TAS1R1: variants seen among roughly 807,000 people sequenced by gnomAD.
TAS1R1 encodes the protein taste 1 receptor member 1.
In TAS1R1, 31 loss-of-function variants were observed where a neutral mutation model predicts 45.8. The ratio of observed to expected loss-of-function variants is 0.68; its 90% CI spans 0.51 to 0.91. TAS1R1 has a LOEUF of 0.91. TAS1R1 is among the 40% of genes least tolerant of loss of function. The probability of loss-of-function intolerance (pLI) is 0.00; values close to 1 mark genes in which losing one functional copy is unlikely to be tolerated. For missense variants in TAS1R1, 1,051 were observed against 1,063.9 expected (o/e 0.99, Z 0.17); for synonymous variants, 437 against 448.4 (o/e 0.97, Z 0.32).
chr1:6,574,751 G>T lies in TAS1R1; in HGVS notation c.619G>T (p.Gly207Trp). The change falls in exon 3 of 6, where the codon GGG (glycine) becomes TGG (tryptophan). Residue 207 changes from glycine (G) to tryptophan (W), a missense_variant. Transcript: ENST00000333172. The surrounding 1 kb of genome is among the most constrained non-coding windows in gnomAD (Gnocchi z 4.3). ...ETMVLLLQKFGWTWISLVGSS... is the reference protein window; with the variant it reads ...ETMVLLLQKFWWTWISLVGSS... ...CATGGTGCTGCTGCTGCAGAAGTTC[G>T]GGTGGACCTGGATCTCTCTGGTTGG... 1 of 1,614,252 alleles carries T rather than the reference G, an allele frequency of 6.2e-7. No homozygotes were observed. The highest frequency in any genetic ancestry group is 8.5e-7 in the Non-Finnish European group (1 of 1,180,050).
intron 1 of TAS1R1, among the ~76,000 whole-genome samples, chr1:6,569,212 C>T (rs1639947049): frequency 2.0e-5 from 3 of 151,688 alleles, no homozygotes; most frequent in South Asian, 4.2e-4. Flanking sequence ...GGAAAATTGG[C>T]GAGGTTAAAA....
rs557415807 is a variant in TAS1R1 at position 6,575,218 on chromosome 1, G to A, written c.1086G>A (p.Gln362=). 1.9e-4 allele frequency: 300 copies of A among 1,613,346 alleles called. 4 individuals carry two copies. The South Asian group carries it at 3.1e-3, about 17-fold the overall frequency. The change falls in exon 3 of 6, where the codon CAG becomes CAA. Residue 362 remains glutamine (Q), a synonymous_variant. Transcript: ENST00000333172. ...CHKGSWCSSN[Q]LCRECQAFMA... is the part of the protein sequence containing the mutation. The stretch of plus-strand genomic sequence containing the variant: ...AGGGCTCCTGGTGCAGCAGCAATCA[G>A]CTCTGCAGAGAATGCCAAGCTTTCA...
chr1:6,567,022 A>G (rs995362298), intron 1 of TAS1R1, among the ~76,000 whole-genome samples: 2 of 152,174 alleles, frequency 1.3e-5, no homozygotes, highest in Non-Finnish European at 2.9e-5. Context: ...GGACTGGCAG[A>G]GAGGAGTAGG....
rs1381355437 is a variant in TAS1R1, at chr1:6,575,196, G to C, written c.1064G>C (p.Gly355Ala). The C allele has an allele frequency of 6.2e-7, 1 of 1,611,012 alleles. No individual in the cohort carries two copies. The highest frequency in any genetic ancestry group is 8.5e-7 in the Non-Finnish European group (1 of 1,178,582). The part of the protein sequence containing the change: ...DKKAPRPCHK[G>A]SWCSSNQLCR... Reference sequence around the variant, plus strand: ...AAGGCCCCTAGGCCTTGCCACAAGGGCTCCTGGTGCAGCAGCAATCAGCTC... The same window carrying C: ...AAGGCCCCTAGGCCTTGCCACAAGGCCTCCTGGTGCAGCAGCAATCAGCTC... The change falls in exon 3 of 6, where the codon GGC (glycine) becomes GCC (alanine). Residue 355 changes from glycine (G) to alanine (A), a missense_variant. Coordinates refer to ENST00000333172, the MANE Select transcript of TAS1R1 (RefSeq NM_138697.4).
At chr1:6,572,179 C>T (rs755082758) in intron 2 of TAS1R1, among the ~76,000 whole-genome samples, 42 of 152,186 alleles carry the variant, frequency 2.8e-4, no homozygotes, top group Non-Finnish European at 4.4e-4. Context: ...TCTGTCCCCA[C>T]CACTCTTGCT....
chr1:6,569,190 T>C (rs1443265417), intron 1 of TAS1R1, among the ~76,000 whole-genome samples: 1 of 150,936 alleles, frequency 6.6e-6, no homozygotes, highest in Admixed American at 6.6e-5. Flanking sequence ...ACCATGATGG[T>C]GGCGAGGATG....
chr1:6,567,030 A>G (rs1025801068), intron 1 of TAS1R1, among the ~76,000 whole-genome samples: 3 of 152,176 alleles, frequency 2.0e-5, no homozygotes, highest in Non-Finnish European at 2.9e-5. Context: ...AGAGAGGAGT[A>G]GGAGGGACTC....
intron 1 of TAS1R1, among the ~76,000 whole-genome samples, chr1:6,568,087 G>A (rs941033413): frequency 1.3e-5 from 2 of 151,988 alleles, no homozygotes; most frequent in African/African-American, 2.4e-5. Flanking sequence ...GGGTTTGAGG[G>A]CCATCTTCAG....
In TAS1R1 at chr1:6,566,317, T is replaced by C. The variant is rs544704271; in HGVS notation, c.192-4592T>C. On this transcript the variant is annotated intron_variant, in intron 1 of 5. Coordinates refer to ENST00000333172, the MANE Select transcript of TAS1R1 (RefSeq NM_138697.4). Reference sequence around the variant, plus strand: ...ATGTAGGGAAATAGTAAAGAAGTCATCTTTTAGGTCAATAGCAGTGTAGTG... The same window carrying C: ...ATGTAGGGAAATAGTAAAGAAGTCACCTTTTAGGTCAATAGCAGTGTAGTG... 5.9e-5 allele frequency among the ~76,000 whole-genome samples: 9 copies of C among 152,114 alleles called. 1 individual carries two copies. The South Asian group carries it at 1.7e-3, about 28-fold the overall frequency.
intron 1 of TAS1R1, among the ~76,000 whole-genome samples, chr1:6,566,629 T>G (rs778453892): frequency 2.0e-5 from 3 of 152,174 alleles, no homozygotes; most frequent in African/African-American, 7.2e-5. Flanking sequence ...GGAGTCTCGC[T>G]CTGTTGCCCA....
rs190128470 is a variant in TAS1R1, at chr1:6,563,529, C to A, written c.192-7380C>A. Among the ~76,000 whole-genome samples, 238 of 152,116 alleles carry A rather than the reference C, an allele frequency of 1.6e-3. 1 individual carries two copies. Among genetic ancestry groups the A allele is most frequent in the Middle Eastern group, 6.8e-3 (2 of 294 alleles). On this transcript the variant is annotated intron_variant, in intron 1 of 5. Coordinates refer to ENST00000333172, the MANE Select transcript of TAS1R1 (RefSeq NM_138697.4). ...TTGTAAGGGGCTTTTTCCTTCATAACGGGGGTGACAGTTTAACTTAGTAAG... is the reference window on the plus strand; with the variant it reads ...TTGTAAGGGGCTTTTTCCTTCATAAAGGGGGTGACAGTTTAACTTAGTAAG...
rs1255607388 is a variant in TAS1R1 at position 6,574,420 on chromosome 1, T to G, written c.499-211T>G. Among the ~76,000 whole-genome samples the G allele has an allele frequency of 6.6e-6, 1 of 152,200 alleles. No individual in the cohort carries two copies. Among genetic ancestry groups the G allele is most frequent in the East Asian group, 1.9e-4 (1 of 5,192 alleles). On this transcript the variant is annotated intron_variant, in intron 2 of 5. Transcript: ENST00000333172. This position sits in a 1 kb window ranked among gnomAD's most constrained non-coding sequence, Gnocchi z 4.3. Reference sequence around the variant, plus strand: ...CAGGTTTTGTCTCCTTTGCTTGGAATGCATCCCCTCACCCCTTGTCCCCAG... The same window carrying G: ...CAGGTTTTGTCTCCTTTGCTTGGAAGGCATCCCCTCACCCCTTGTCCCCAG...
intron 1 of TAS1R1, among the ~76,000 whole-genome samples, chr1:6,557,031 A>G (rs1280010230): frequency 1.4e-5 from 2 of 138,600 alleles, no homozygotes; most frequent in Non-Finnish European, 3.1e-5. Context: ...AAAAAAAAAG[A>G]CGAAGACAGT....
At chr1:6,567,481 A>C in intron 1 of TAS1R1, among the ~76,000 whole-genome samples, 1 of 151,302 alleles carries the variant, frequency 6.6e-6, no homozygotes, top group South Asian at 2.1e-4. Flanking sequence ...AATGGTGTGA[A>C]CCCGGGAGGC....
At chr1:6,556,205 C>T (rs940993065) in intron 1 of TAS1R1, among the ~76,000 whole-genome samples, 5 of 152,092 alleles carry the variant, frequency 3.3e-5, no homozygotes, top group African/African-American at 1.2e-4. Flanking sequence ...TCCACTCCTA[C>T]CCATGTTCAA....
intron 1 of TAS1R1, among the ~76,000 whole-genome samples, chr1:6,565,725 G>A (rs933738532): frequency 1.3e-5 from 2 of 152,220 alleles, no homozygotes; most frequent in Non-Finnish European, 2.9e-5. Context: ...CAATTCACAA[G>A]GGCGGTTTTA....
intron 5 of TAS1R1, 62 bp downstream of exon 5, chr1:6,577,132 G>T: frequency 1.2e-6 from 2 of 1,603,820 alleles, no homozygotes; most frequent in Non-Finnish European, 1.7e-6. Context: ...GGTGGAGGGA[G>T]GGCCTCCCTT....
At position 6,574,835 on chromosome 1, in the gene TAS1R1, C is replaced by G; in HGVS notation, c.703C>G (p.Gln235Glu). The change falls in exon 3 of 6, where the codon CAG (glutamine) becomes GAG (glutamate). Residue 235 changes from glutamine to glutamate, a missense_variant. Physicochemically the swap from Gln to Glu is conservative, Grantham distance 29. Transcript: ENST00000333172. The surrounding 1 kb of genome is among the most constrained non-coding windows in gnomAD (Gnocchi z 4.3). ...VQALENQATG[Q>E]GICIAFKDIM... ...GGCACTGGAGAACCAGGCCACTGGTCAGGGGATCTGCATTGCTTTCAAGGA... is the reference window on the plus strand; with the variant it reads ...GGCACTGGAGAACCAGGCCACTGGTGAGGGGATCTGCATTGCTTTCAAGGA... The G allele has an allele frequency of 6.2e-7, 1 of 1,614,242 alleles. No individual in the cohort carries two copies. Among genetic ancestry groups the G allele is most frequent in the South Asian group, 1.1e-5 (1 of 91,076 alleles).
chr1:6,577,543 G>T (rs1315655991), intron 5 of TAS1R1, among the ~76,000 whole-genome samples: 1 of 142,728 alleles, frequency 7.0e-6, no homozygotes, highest in Non-Finnish European at 1.5e-5. Flanking sequence ...AAAGAAAGGA[G>T]GCCGGGCGCG....
Sources: gnomAD v4.1 joint callset for allele counts (sites outside exome capture counted in the v4.1 genomes callset) on GRCh38, gnomAD v4.1.1 for gene constraint, Gnocchi (gnomAD v3.1) non-coding constraint, MANE v1.5 for transcripts, NCBI Gene and HGNC (gene_info 2026-07-23, HGNC 2026-07-21) for gene names.